ME1: variants seen among roughly 807,000 people sequenced by gnomAD.
The protein encoded by ME1 is NADP-dependent malic enzyme.
ME1 carries 74 observed loss-of-function variants against 66.4 expected under a neutral mutation model. The observed-to-expected ratio is 1.11, with a 90% CI of 0.92 to 1.35. The LOEUF (loss-of-function observed/expected upper bound fraction) is 1.35. ME1 is among the 40% of genes most tolerant of loss of function. The pLI is 0.00. For synonymous variants in ME1, 251 were observed against 235.6 expected, an observed-to-expected ratio of 1.07 and a Z score of -0.60; for missense variants, 750 against 694.1, an observed-to-expected ratio of 1.08 and a Z score of -0.90.
chr6:83,392,963 T>C (rs1583414567), intron 3 of ME1: 2 of 842,958 alleles, frequency 2.4e-6, no homozygotes, highest in East Asian at 4.9e-5. Flanking sequence ...CCCAGAAGAC[T>C]ATGGATGGCT....
intron 3 of ME1, among the ~76,000 whole-genome samples, chr6:83,366,209 C>T (rs1215733890): frequency 6.6e-5 from 10 of 152,116 alleles, no homozygotes; most frequent in Admixed American, 6.5e-4. Context: ...TTTAAGGATT[C>T]ATTTAGGCAT....
chr6:83,399,604 G>A lies in ME1; in HGVS notation c.213-1088C>T, dbSNP rs191438080. 2.9e-3 allele frequency among the ~76,000 whole-genome samples: 447 copies of A among 152,276 alleles called. 1 individual carries two copies. Among genetic ancestry groups the A allele is most frequent in the African/African-American group, 9.7e-3 (405 of 41,566 alleles). ...GTTCAAGAAACTTTTCTTTGTATCT[G>A]TATCTTATGGCCTTTTTCTTTCTAG... is the stretch of plus-strand genomic sequence containing the variant. On this transcript the variant is annotated intron_variant, in intron 2 of 13. Transcript: ENST00000369705.
chr6:83,383,134 A>G (rs1769438482), intron 3 of ME1, among the ~76,000 whole-genome samples: 2 of 151,852 alleles, frequency 1.3e-5, no homozygotes, highest in South Asian at 4.1e-4. Context: ...ATATACACAC[A>G]TATACATACA....
chr6:83,315,252 T>C, intron 6 of ME1, 58 bp downstream of exon 6: 1 of 1,046,862 alleles, frequency 9.6e-7, no homozygotes, highest in Non-Finnish European at 1.5e-6. Flanking sequence ...TTGGATTTTT[T>C]AATAGTCTGT....
intron 3 of ME1, among the ~76,000 whole-genome samples, chr6:83,384,120 C>T (rs1370729512): frequency 2.6e-5 from 4 of 151,720 alleles, no homozygotes; most frequent in Non-Finnish European, 5.9e-5. Context: ...GTGAATAATG[C>T]TACAACGAAC....
At chr6:83,312,376 C>A (rs1260060044) in intron 6 of ME1, among the ~76,000 whole-genome samples, 1 of 152,018 alleles carries the variant, frequency 6.6e-6, no homozygotes, top group Non-Finnish European at 1.5e-5. Context: ...TTCCTCAGAC[C>A]CTAGATGTGT....
intron 4 of ME1, among the ~76,000 whole-genome samples, chr6:83,346,994 C>T (rs1484082382): frequency 6.6e-6 from 1 of 151,960 alleles, no homozygotes; most frequent in East Asian, 1.9e-4. Context: ...TGCTCTGTCA[C>T]CCAGGCTGGA....
intron 1 of ME1, among the ~76,000 whole-genome samples, chr6:83,408,964 A>G (rs1196395447): frequency 6.6e-6 from 1 of 152,180 alleles, no homozygotes; most frequent in Non-Finnish European, 1.5e-5. Flanking sequence ...GCGATGGCAT[A>G]GGAAGAAGGG....
intron 3 of ME1, among the ~76,000 whole-genome samples, chr6:83,369,144 GCACA>G (rs2128546991): frequency 6.6e-6 from 1 of 152,030 alleles, no homozygotes; most frequent in African/African-American, 2.4e-5. Context: ...GTACTTCCAG[GCACA>G]CAGTTAAGTG....
intron 3 of ME1, among the ~76,000 whole-genome samples, chr6:83,372,016 CTTGT>C (rs772068582): frequency 2.0e-5 from 3 of 152,230 alleles, no homozygotes; most frequent in Non-Finnish European, 2.9e-5. Context: ...ATTATAATTG[CTTGT>C]TTGTCTCCTC....
chr6:83,319,931 A>G (rs1768120642), intron 5 of ME1, among the ~76,000 whole-genome samples: 1 of 152,226 alleles, frequency 6.6e-6, no homozygotes, highest in Non-Finnish European at 1.5e-5. Flanking sequence ...GGGAACACAG[A>G]AATGAGTTCC....
intron 9 of ME1, among the ~76,000 whole-genome samples, chr6:83,231,474 C>T (rs1790306322): frequency 6.6e-6 from 1 of 152,190 alleles, no homozygotes; most frequent in South Asian, 2.1e-4. Context: ...GCAAAAGACA[C>T]ACACACAAAA....
rs892631257 is a variant in ME1 at position 83,315,455 on chromosome 6, C to A, written c.601-42G>T. 4 of 1,155,590 alleles carry A rather than the reference C, an allele frequency of 3.5e-6. No individual in the cohort carries two copies. In the African/African-American group the frequency reaches 4.7e-5, roughly 13 times the overall value. The allele number at this position is 1,155,590 out of a possible 1,614,324, so 71.6% of individuals were successfully genotyped here. On this transcript the variant is annotated intron_variant, in intron 5 of 13. Coordinates refer to ENST00000369705, the MANE Select transcript of ME1 (RefSeq NM_002395.6). ...CCATAAAAATAGAAATAACTATAAC[C>A]AAATCATTTATTGAGCCTCAGTTTC...
At chr6:83,363,820 C>T (rs1769049147) in intron 3 of ME1, among the ~76,000 whole-genome samples, 1 of 152,156 alleles carries the variant, frequency 6.6e-6, no homozygotes, top group Non-Finnish European at 1.5e-5. Flanking sequence ...ATTAACTGCG[C>T]ATCAGCATTT....
chr6:83,217,493 G>A (rs1004444798), intron 12 of ME1, among the ~76,000 whole-genome samples: 8 of 152,028 alleles, frequency 5.3e-5, no homozygotes, highest in East Asian at 1.9e-4. Context: ...ATAACACTAC[G>A]GAGAAGCTTA....
chr6:83,219,960 C>A (rs909801735), intron 12 of ME1, among the ~76,000 whole-genome samples: 1 of 152,102 alleles, frequency 6.6e-6, no homozygotes, highest in Non-Finnish European at 1.5e-5. Flanking sequence ...CTTCTGGTGT[C>A]AGATCTGGCT....
chr6:83,232,917 A>G (rs1184468977), intron 9 of ME1, among the ~76,000 whole-genome samples: 1 of 152,182 alleles, frequency 6.6e-6, no homozygotes, highest in African/African-American at 2.4e-5. Flanking sequence ...AAATTATTTA[A>G]AACAAAACAA....
At chr6:83,417,826 T>C (rs1044968592) in intron 1 of ME1, among the ~76,000 whole-genome samples, 2 of 152,266 alleles carry the variant, frequency 1.3e-5, no homozygotes, top group Non-Finnish European at 2.9e-5. Flanking sequence ...AAGAGGAATA[T>C]ATCTTACAAT....
intron 6 of ME1, among the ~76,000 whole-genome samples, chr6:83,311,438 T>C (rs1001237518): frequency 6.6e-6 from 1 of 152,072 alleles, no homozygotes; most frequent in African/African-American, 2.4e-5. Context: ...CCTAGAAACA[T>C]GGACAAATTA....
Sources: gnomAD v4.1 joint callset for allele counts (sites outside exome capture counted in the v4.1 genomes callset) on GRCh38, gnomAD v4.1.1 for gene constraint, MANE v1.5 for transcripts, NCBI Gene and HGNC (gene_info 2026-07-23, HGNC 2026-07-21) for gene names.